NCKAP5: variants seen among roughly 807,000 people sequenced by gnomAD.
NCKAP5 encodes nck-associated protein 5.
Under a neutral mutation model 167.0 loss-of-function variants are expected in NCKAP5, and 92 were observed. The ratio of observed to expected loss-of-function variants is 0.55; its 90% CI spans 0.47 to 0.66. NCKAP5 has a LOEUF of 0.66. Among genes scored for constraint, NCKAP5 ranks in the 30% least tolerant of loss-of-function variants. The pLI is 0.00. For synonymous variants in NCKAP5, 891 were observed against 877.4 expected (o/e 1.02, Z -0.27); for missense variants, 2,378 against 2,315.0 (o/e 1.03, Z -0.56).
intron 19 of NCKAP5, among the ~76,000 whole-genome samples, chr2:132,709,871 C>T (rs1054664451): frequency 3.3e-5 from 5 of 151,886 alleles, no homozygotes; most frequent in Admixed American, 6.6e-5. Flanking sequence ...TCAAAGTACA[C>T]GACAAAGTAC....
chr2:133,441,010 A>T (rs1690814436), intron 3 of NCKAP5, among the ~76,000 whole-genome samples: 1 of 152,162 alleles, frequency 6.6e-6, no homozygotes, highest in African/African-American at 2.4e-5. Flanking sequence ...AAGAAATAAT[A>T]CATGTTCTTG....
At chr2:132,768,008 G>A (rs1371835875) in intron 16 of NCKAP5, among the ~76,000 whole-genome samples, 4 of 152,218 alleles carry the variant, frequency 2.6e-5, no homozygotes, top group Non-Finnish European at 5.9e-5. Flanking sequence ...AACACTTCTG[G>A]CTCCTGCAGA....
At chr2:132,854,035 C>T (rs770676505) in intron 11 of NCKAP5, among the ~76,000 whole-genome samples, 20 of 152,168 alleles carry the variant, frequency 1.3e-4, no homozygotes, top group Non-Finnish European at 2.5e-4. Context: ...TTCACGTAAT[C>T]CTTAGTTCAC....
At chr2:133,523,985 G>T (rs895379135) in intron 2 of NCKAP5, among the ~76,000 whole-genome samples, 1 of 152,122 alleles carries the variant, frequency 6.6e-6, no homozygotes, top group Non-Finnish European at 1.5e-5. Context: ...AGGCTGCAGG[G>T]ATCAGAGTAA....
chr2:132,708,012 C>A (rs1233063604), intron 19 of NCKAP5, among the ~76,000 whole-genome samples: 1 of 152,116 alleles, frequency 6.6e-6, no homozygotes, highest in South Asian at 2.1e-4. Context: ...AGATTAATCA[C>A]CTTCTGACTG....
chr2:132,914,727 G>A (rs897568746), intron 8 of NCKAP5, among the ~76,000 whole-genome samples: 3 of 151,916 alleles, frequency 2.0e-5, no homozygotes, highest in Non-Finnish European at 4.4e-5. Context: ...TTCACCACCC[G>A]ATAATTTTAT....
At chr2:132,895,246 G>C (rs887762933) in intron 8 of NCKAP5, among the ~76,000 whole-genome samples, 1 of 151,262 alleles carries the variant, frequency 6.6e-6, no homozygotes, top group African/African-American at 2.4e-5. Flanking sequence ...CAGGAGAATA[G>C]CGTGAACCCG....
At chr2:133,469,595 C>G (rs909979493) in intron 3 of NCKAP5, among the ~76,000 whole-genome samples, 155 of 152,220 alleles carry the variant, frequency 1.0e-3, no homozygotes, top group Non-Finnish European at 2.1e-3. Flanking sequence ...GGATAATATC[C>G]TGCAGCGTGT....
In NCKAP5 at chr2:132,916,264, C is replaced by A. The variant is rs763232592; in HGVS notation, c.580-37348G>T. On this transcript the variant is annotated intron_variant, in intron 8 of 19. Transcript: ENST00000409261. The stretch of plus-strand genomic sequence containing the variant: ...GGTTAAGAACTTCCCTAGGCATAGA[C>A]TGACCACAGAATTTATGATCGAATG... Among the ~76,000 whole-genome samples the A allele has an allele frequency of 1.1e-4, 17 of 152,044 alleles. 1 individual carries two copies. Among genetic ancestry groups the A allele is most frequent in the South Asian group, 2.1e-4 (1 of 4,822 alleles).
chr2:132,695,364 T>C (rs551277929), intron 19 of NCKAP5, among the ~76,000 whole-genome samples: 2 of 152,184 alleles, frequency 1.3e-5, no homozygotes, highest in South Asian at 4.2e-4. Context: ...GGAAGGTCGG[T>C]TGAGAGTGGC....
chr2:133,501,011 G>A (rs928693361), intron 3 of NCKAP5, among the ~76,000 whole-genome samples: 1 of 152,154 alleles, frequency 6.6e-6, no homozygotes, highest in Non-Finnish European at 1.5e-5. Flanking sequence ...TTCCCTGCAG[G>A]ACCTCATCCT....
At chr2:132,696,035 G>A (rs1346344186) in intron 19 of NCKAP5, among the ~76,000 whole-genome samples, 1 of 152,098 alleles carries the variant, frequency 6.6e-6, no homozygotes, top group Non-Finnish European at 1.5e-5. Context: ...ATCCTGGGTT[G>A]TTTTAAAAAA....
chr2:133,547,290 G>A (rs1027142103), intron 2 of NCKAP5, among the ~76,000 whole-genome samples: 7 of 152,222 alleles, frequency 4.6e-5, no homozygotes, highest in Non-Finnish European at 1.0e-4. Context: ...AGGCGGCAGA[G>A]AGGCTGGGGG....
intron 4 of NCKAP5, among the ~76,000 whole-genome samples, chr2:133,243,663 A>G (rs1352079709): frequency 6.6e-6 from 1 of 152,232 alleles, no homozygotes; most frequent in Non-Finnish European, 1.5e-5. Context: ...AGCTGAAGCT[A>G]TCATATTTGA....
intron 3 of NCKAP5, among the ~76,000 whole-genome samples, chr2:133,357,959 C>T (rs1018674618): frequency 2.0e-5 from 3 of 152,248 alleles, no homozygotes; most frequent in South Asian, 4.1e-4. Context: ...TTGCTGAATA[C>T]GTTGCATTAA....
chr2:132,721,027 A>AAT (rs397767487), intron 19 of NCKAP5, among the ~76,000 whole-genome samples: 1 of 149,510 alleles, frequency 6.7e-6, no homozygotes, highest in African/African-American at 2.5e-5. Flanking sequence ...AAAAAAAAAA[A>AAT]TGCTGTGCAC....
At chr2:133,402,665 G>A (rs1688176389) in intron 3 of NCKAP5, among the ~76,000 whole-genome samples, 1 of 152,038 alleles carries the variant, frequency 6.6e-6, no homozygotes, top group Non-Finnish European at 1.5e-5. Context: ...TTGTTTAAAA[G>A]AGCCTGGCAC....
intron 3 of NCKAP5, among the ~76,000 whole-genome samples, chr2:133,440,709 CAAA>C (rs1174654151): frequency 0.018 from 580 of 32,616 alleles, 2 homozygotes; most frequent in African/African-American, 0.056. Flanking sequence ...GACTCTGTCT[CAAA>C]AAAAAAAAAA....
At chr2:132,740,623 A>G (rs1309241348) in intron 16 of NCKAP5, among the ~76,000 whole-genome samples, 1 of 152,126 alleles carries the variant, frequency 6.6e-6, no homozygotes, top group Non-Finnish European at 1.5e-5. Flanking sequence ...CTGGAAGGGT[A>G]AATTCACTCT....
Sources: allele counts gnomAD v4.1 joint callset (sites outside exome capture counted in the v4.1 genomes callset), GRCh38; gene constraint gnomAD v4.1.1; transcripts MANE v1.5; gene names NCBI Gene and HGNC (gene_info 2026-07-23, HGNC 2026-07-21).